CDH2: variants seen among roughly 807,000 people sequenced by gnomAD.
CDH2 encodes the protein cadherin-2.
Under a neutral mutation model 92.0 loss-of-function variants are expected in CDH2, and 17 were observed. That is an observed-to-expected ratio of 0.18 (90% CI 0.13 to 0.28). The LOEUF is 0.28. Among genes scored for constraint, CDH2 ranks in the 10% least tolerant of loss-of-function variants. CDH2 has a pLI of 1.00. For missense variants in CDH2, 862 were observed against 1,133.1 expected (o/e 0.76, Z 3.44); for synonymous variants, 419 against 415.9 (o/e 1.01, Z -0.09).
At chr18:28,040,999 G>T (rs17535517) in intron 2 of CDH2, among the ~76,000 whole-genome samples, 1 of 152,168 alleles carries the variant, frequency 6.6e-6, no homozygotes, top group African/African-American at 2.4e-5. Flanking sequence ...TGACACAGTG[G>T]TGGAACTAAG....
chr18:27,933,853 G>A (rs996571161), intron 6 of CDH2, among the ~76,000 whole-genome samples: 20 of 152,096 alleles, frequency 1.3e-4, no homozygotes, highest in Non-Finnish European at 2.9e-4. Context: ...TTCCAAACCC[G>A]ATAAGTATTT....
At chr18:28,064,675 A>T (rs950818061) in intron 2 of CDH2, among the ~76,000 whole-genome samples, 1 of 152,094 alleles carries the variant, frequency 6.6e-6, no homozygotes, top group Non-Finnish European at 1.5e-5. Context: ...TAAAAAAAAA[A>T]AACAACTGGA....
chr18:28,046,856 T>C (rs1399067164), intron 2 of CDH2, among the ~76,000 whole-genome samples: 1 of 152,212 alleles, frequency 6.6e-6, no homozygotes, highest in Non-Finnish European at 1.5e-5. Context: ...TGATGTTCAA[T>C]TGGAGTAATG....
chr18:28,042,125 T>G (rs1472854384), intron 2 of CDH2, among the ~76,000 whole-genome samples: 1 of 152,154 alleles, frequency 6.6e-6, no homozygotes, highest in East Asian at 1.9e-4. Context: ...TTTTTCTATT[T>G]TACTAGTACA....
intron 1 of CDH2, among the ~76,000 whole-genome samples, chr18:28,158,628 G>T (rs1598516764): frequency 6.6e-6 from 1 of 152,170 alleles, no homozygotes; most frequent in Non-Finnish European, 1.5e-5. Flanking sequence ...GGTCCGAGGA[G>T]TGGACTCCTA....
chr18:27,947,544 T>A (rs1909299370), downstream of CDH2, among the ~76,000 whole-genome samples: 1 of 151,872 alleles, frequency 6.6e-6, no homozygotes, highest in Non-Finnish European at 1.5e-5. Flanking sequence ...TCTTCAGAAC[T>A]GATAATTTAG....
chr18:27,953,050 T>G (rs555569250), intron 15 of CDH2, among the ~76,000 whole-genome samples: 4 of 152,180 alleles, frequency 2.6e-5, no homozygotes, highest in Non-Finnish European at 5.9e-5. Flanking sequence ...TTTATGTGAC[T>G]AACATAGCAT....
Position 28,158,887 on chromosome 18 carries a change from C to CT in CDH2, c.61-11104dup, listed in dbSNP as rs2016262501. On this transcript the variant is annotated intron_variant, in intron 1 of 15. Transcript: ENST00000269141. Reference sequence around the variant, plus strand: ...GCACAATGCTACTCTTCCCACTAATCTTGTTTTTCTCTTTTGGAAAATACA... The same window carrying CT: ...GCACAATGCTACTCTTCCCACTAATCTTTGTTTTTCTCTTTTGGAAAATACA... Among the ~76,000 whole-genome samples, 3 of 152,278 alleles carry CT rather than the reference C, an allele frequency of 2.0e-5. No individual in the cohort carries two copies. In the South Asian group the frequency reaches 6.2e-4, roughly 32 times the overall value.
intron 1 of CDH2, among the ~76,000 whole-genome samples, chr18:28,151,312 T>C (rs2016117579): frequency 6.6e-6 from 1 of 152,204 alleles, no homozygotes; most frequent in Non-Finnish European, 1.5e-5. Flanking sequence ...CTGTCACAAC[T>C]GCGAGGGGGT....
rs1909001295 is a variant in CDH2 at position 27,935,670 on chromosome 18, T to G, written c.1152-2546A>C. On this transcript the variant is annotated intron_variant, in intron 6 of 6. Coordinates refer to the CDH2 transcript ENST00000675173. ...CTGGCCACATGACTTATCTCTACAT[T>G]AGACCAGAAAGTCTTTGAGGGCAGA... Among the ~76,000 whole-genome samples the G allele has an allele frequency of 2.0e-5, 3 of 151,332 alleles. No individual in the cohort carries two copies. The South Asian group carries it at 6.2e-4, about 31-fold the overall frequency.
intron 8 of CDH2, among the ~76,000 whole-genome samples, chr18:27,993,224 T>G (rs916291068): frequency 3.9e-5 from 6 of 152,194 alleles, no homozygotes; most frequent in Non-Finnish European, 7.3e-5. Flanking sequence ...CTGAAAATAT[T>G]CATAAGCATT....
chr18:28,033,849 ACTAT>A (rs1460652288), intron 2 of CDH2, among the ~76,000 whole-genome samples: 1 of 152,092 alleles, frequency 6.6e-6, no homozygotes, highest in African/African-American at 2.4e-5. Context: ...AAGTAACCTC[ACTAT>A]CTAATGAGAT....
At chr18:28,010,972 C>G (rs17462976) in intron 4 of CDH2, among the ~76,000 whole-genome samples, 1 of 149,858 alleles carries the variant, frequency 6.7e-6, no homozygotes, top group Non-Finnish European at 1.5e-5. Context: ...GCAAAATTCC[C>G]TTTTCTCTCA....
chr18:28,133,765 T>A (rs986886374), intron 2 of CDH2, among the ~76,000 whole-genome samples: 3 of 152,076 alleles, frequency 2.0e-5, no homozygotes, highest in Admixed American at 6.5e-5. Flanking sequence ...TATATTTTTA[T>A]ATCTGTATTT....
intron 2 of CDH2, among the ~76,000 whole-genome samples, chr18:28,084,010 A>G (rs1157368370): frequency 6.6e-6 from 1 of 152,162 alleles, no homozygotes; most frequent in Non-Finnish European, 1.5e-5. Context: ...GTTCACATAT[A>G]ATCTGAAGTC....
chr18:27,955,737 C>A (rs953682755), intron 15 of CDH2, among the ~76,000 whole-genome samples: 7 of 112,028 alleles, frequency 6.2e-5, no homozygotes, highest in Non-Finnish European at 1.3e-4. Context: ...TGGTAGTTTA[C>A]AAATCTCTGT....
chr18:28,139,254 T>C (rs934100405), intron 2 of CDH2, among the ~76,000 whole-genome samples: 2 of 152,032 alleles, frequency 1.3e-5, no homozygotes, highest in African/African-American at 2.4e-5. Context: ...GTCGCTGATA[T>C]TGTCTTAGTA....
Position 28,013,859 on chromosome 18 carries a change from C to T in CDH2, c.223G>A (p.Glu75Lys), listed in dbSNP as rs1431697220. 7 of 1,613,770 alleles carry T rather than the reference C, an allele frequency of 4.3e-6. No individual in the cohort carries two copies. The East Asian group carries it at 1.1e-4, about 26-fold the overall frequency. Residue 75 changes from glutamate to lysine, a missense_variant, in exon 3 of 16, where the codon GAG becomes AAG. Physicochemically the swap from Glu to Lys is moderately conservative, Grantham distance 56 (BLOSUM62 1). This residue lies in a region of CDH2 where 159 missense variants were observed against 177.2 expected (regional missense o/e 0.90). Transcript: ENST00000269141. ...TCATCCACCTTAAAATCTGCAGGCT[C>T]ACTGCTCTCATATTGTACTTTTCTT... ...GKRKVQYESS[E>K]PADFKVDEDG...
chr18:28,081,391 A>C (rs1478004711), intron 2 of CDH2, among the ~76,000 whole-genome samples: 1 of 152,200 alleles, frequency 6.6e-6, no homozygotes, highest in East Asian at 1.9e-4. Context: ...AAAGCCTGAG[A>C]AAATCCATTT....
Sources: allele counts gnomAD v4.1 joint callset (sites outside exome capture counted in the v4.1 genomes callset), GRCh38; gene constraint gnomAD v4.1.1; regional missense constraint gnomAD v4.1.1; transcripts MANE v1.5; gene names NCBI Gene and HGNC (gene_info 2026-07-23, HGNC 2026-07-21).